RNF40: variants seen among roughly 807,000 people sequenced by gnomAD.
RNF40 encodes the protein E3 ubiquitin-protein ligase BRE1B.
Under a neutral mutation model 123.3 loss-of-function variants are expected in RNF40, and 39 were observed. The ratio of observed to expected loss-of-function variants is 0.32; its 90% CI spans 0.24 to 0.41. RNF40 has a LOEUF of 0.41. Ranked by LOEUF, RNF40 falls within the 10% of genes least tolerant of loss-of-function variation. RNF40 has a pLI of 1.00. For synonymous variants in RNF40, 538 were observed against 526.0 expected (o/e 1.02, Z -0.31); for missense variants, 1,003 against 1,319.9 (o/e 0.76, Z 3.72).
In RNF40 at chr16:30,763,326, C is replaced by T. The variant is rs1336686567; in HGVS notation, c.300+41C>T. On this transcript the variant is annotated intron_variant, in intron 3 of 19. Coordinates refer to ENST00000324685, the MANE Select transcript of RNF40 (RefSeq NM_014771.4). ...TTTCAAAGACCAGGCCTTGATTCAG[C>T]TGCCAATCCCCAGATTCCCCTGCTA... 2.5e-6 allele frequency: 4 copies of T among 1,610,458 alleles called. No homozygotes were observed. The East Asian group carries it at 6.7e-5, about 27-fold the overall frequency.
Position 30,769,290 on chromosome 16 carries a change from T to C in RNF40, c.2352T>C (p.Asp784=), listed in dbSNP as rs779083097. 1.2e-6 allele frequency: 2 copies of C among 1,614,080 alleles called. No individual in the cohort carries two copies. Among genetic ancestry groups the C allele is most frequent in the Admixed American group, 3.3e-5 (2 of 60,008 alleles). ...TACAGCAGTTGCGGGAAAAGGATGA[T>C]GCCAACTTTAAGCTAATGTCAGAGC... ...RLLQQLREKD[D]ANFKLMSERI... The change falls in exon 16 of 20, where the codon GAT becomes GAC. Residue 784 remains aspartate (D), a synonymous_variant. Coordinates refer to ENST00000324685, the MANE Select transcript of RNF40 (RefSeq NM_014771.4).
In RNF40 at chr16:30,768,644, A is replaced by C. The variant is rs1486299059; in HGVS notation, c.2005A>C (p.Met669Leu). Residue 669 changes from methionine (M) to leucine (L), a missense_variant, in exon 14 of 20, where the codon ATG becomes CTG. By Grantham distance (15) the Met-to-Leu change is conservative. This residue lies in a region of RNF40 where 295 missense variants were observed against 331.7 expected (regional missense o/e 0.89). Transcript: ENST00000324685. The surrounding 1 kb of genome is among the most constrained non-coding windows in gnomAD (Gnocchi z 4.1). ...GAAGGCCCAGGAGAGCCAGAAGGAG[A>C]TGAAACTGCTGCTGGATATGTACAA... is the stretch of plus-strand genomic sequence containing the variant. ...LKKAQESQKE[M>L]KLLLDMYKSA... 1 of 1,614,032 alleles carries C rather than the reference A, an allele frequency of 6.2e-7. No individual in the cohort carries two copies. The highest frequency in any genetic ancestry group is 8.5e-7 in the Non-Finnish European group (1 of 1,180,020).
chr16:30,773,888 T>G (rs780223845), intron 19 of RNF40, 50 bp from the exon 20 acceptor site: 1 of 1,566,536 alleles, frequency 6.4e-7, no homozygotes, highest in Non-Finnish European at 8.7e-7. Flanking sequence ...CAGCTTGGGG[T>G]CTGGGCACTG....
In RNF40 at chr16:30,766,699, G is replaced by A. The variant is rs2054038534; in HGVS notation, c.1294-42G>A. On this transcript the variant is annotated intron_variant, in intron 10 of 19. Transcript: ENST00000324685. This position sits in a 1 kb window ranked among gnomAD's most constrained non-coding sequence, Gnocchi z 5.4. ...TCCTAAGATACTGAGTCCTGAGGTGGGACCGAGGGGCTGTGTGGGTCCTTA... is the reference window on the plus strand; with the variant it reads ...TCCTAAGATACTGAGTCCTGAGGTGAGACCGAGGGGCTGTGTGGGTCCTTA... The A allele has an allele frequency of 1.2e-6, 2 of 1,611,912 alleles. No homozygotes were observed. The highest frequency in any genetic ancestry group is 1.7e-6 in the Non-Finnish European group (2 of 1,178,962).
intron 17 of RNF40, among the ~76,000 whole-genome samples, chr16:30,770,557 A>G (rs2054130465): frequency 6.6e-6 from 1 of 152,194 alleles, no homozygotes; most frequent in Non-Finnish European, 1.5e-5. Flanking sequence ...GGTGAACTGT[A>G]AAGTGGGGAT....
Position 30,775,569 on chromosome 16 carries a change from C to A in RNF40, c.*1455C>A. The A allele has an allele frequency of 6.1e-6, 1 of 163,166 alleles. No individual in the cohort carries two copies. Among genetic ancestry groups the A allele is most frequent in the Non-Finnish European group, 1.3e-5 (1 of 74,346 alleles). The allele number at this position is 163,166 out of a possible 1,614,324, so 10.1% of individuals were successfully genotyped here. ...CGGACCGCTTCTCAGCGGCTTCACC[C>A]CCACACCACTCGAATGCACAGATCG... On this transcript the variant is annotated 3_prime_UTR_variant, in exon 20 of 20. Coordinates refer to ENST00000324685, the MANE Select transcript of RNF40 (RefSeq NM_014771.4).
chr16:30,769,400 T>C lies in RNF40; in HGVS notation c.2460+2T>C. 1 of 1,614,124 alleles carries C rather than the reference T, an allele frequency of 6.2e-7. No homozygotes were observed. Reference sequence around the variant, plus strand: ...CAGGTCCTTGGCCTCAAGTCCCAGGTATGGCCGCCGCCAGCTTGCAGACTG... The same window carrying C: ...CAGGTCCTTGGCCTCAAGTCCCAGGCATGGCCGCCGCCAGCTTGCAGACTG... On this transcript the variant is annotated splice_donor_variant, in intron 16 of 19. Transcript: ENST00000324685. LOFTEE classifies it high-confidence loss of function.
At chr16:30,765,773 G>A (rs1469993869) in intron 8 of RNF40, among the ~76,000 whole-genome samples, 2 of 152,220 alleles carry the variant, frequency 1.3e-5, no homozygotes, top group Non-Finnish European at 2.9e-5. Context: ...TCTACTTGTG[G>A]TAACAGACAA....
In RNF40 at chr16:30,774,319, AGCT is replaced by A; in HGVS notation, c.*208_*210del. On this transcript the variant is annotated 3_prime_UTR_variant, in exon 20 of 20. Coordinates refer to ENST00000324685, the MANE Select transcript of RNF40 (RefSeq NM_014771.4). ...CGTTCCATCTTTTCCTAAAGGTCAGAGCTGCAGCCTAGGGGGCACTGCCCTACA... is the reference window on the plus strand; with the variant it reads ...CGTTCCATCTTTTCCTAAAGGTCAGAGCAGCCTAGGGGGCACTGCCCTACA... The A allele has an allele frequency of 1.7e-6, 1 of 572,402 alleles. No individual in the cohort carries two copies. Among genetic ancestry groups the A allele is most frequent in the Non-Finnish European group, 3.0e-6 (1 of 328,736 alleles). The allele number at this position is 572,402 out of a possible 1,614,324, so 35.5% of individuals were successfully genotyped here.
At chr16:30,771,458 A>G (rs1596761551) in intron 17 of RNF40, among the ~76,000 whole-genome samples, 1 of 152,154 alleles carries the variant, frequency 6.6e-6, no homozygotes, top group East Asian at 1.9e-4. Flanking sequence ...TCTACTAAAA[A>G]TACAAAAAAT....
intron 19 of RNF40, 46 bp from the exon 20 acceptor site, chr16:30,773,892 G>A (rs2054190038): frequency 6.3e-7 from 1 of 1,575,182 alleles, no homozygotes; most frequent in Non-Finnish European, 8.7e-7. Context: ...TTGGGGTCTG[G>A]GCACTGTCAG....
At chr16:30,763,037 C>A in intron 2 of RNF40, 81 bp from the exon 3 acceptor site, 1 of 1,509,366 alleles carries the variant, frequency 6.6e-7, no homozygotes, top group Non-Finnish European at 9.1e-7. Flanking sequence ...ATTGCAGATG[C>A]TCTGCTCCTC....
chr16:30,773,808 C>G, intron 19 of RNF40, 130 bp from the exon 20 acceptor site: 1 of 922,746 alleles, frequency 1.1e-6, no homozygotes, highest in South Asian at 1.6e-5. Flanking sequence ...CTCGTCCTTA[C>G]CTCCAGGGTT....
chr16:30,763,380 A>G lies in RNF40; in HGVS notation c.301-38A>G, dbSNP rs750156454. On this transcript the variant is annotated intron_variant, in intron 3 of 19. Transcript: ENST00000324685. ...AAGGAGTATCATGTTGGAAAGCACT[A>G]AGGGATTCATAACATTTTTGATGTT... is the stretch of plus-strand genomic sequence containing the variant. 8 of 1,600,986 alleles carry G rather than the reference A, an allele frequency of 5.0e-6. No homozygotes were observed. The African/African-American group carries it at 9.4e-5, about 19-fold the overall frequency.
intron 17 of RNF40, 82 bp downstream of exon 17, chr16:30,769,682 C>G (rs532155135): frequency 5.6e-6 from 8 of 1,421,590 alleles, no homozygotes; most frequent in Admixed American, 2.8e-5. Flanking sequence ...GCACCCGATG[C>G]AATAGCCTGA....
chr16:30,775,327 A>G lies in RNF40; in HGVS notation c.*1213A>G. 1 of 295,440 alleles carries G rather than the reference A, an allele frequency of 3.4e-6. No homozygotes were observed. Among genetic ancestry groups the G allele is most frequent in the Non-Finnish European group, 6.6e-6 (1 of 150,914 alleles). 18.3% of individuals were successfully genotyped at this position (295,440 alleles called of 1,614,324 possible). A position where few individuals can be genotyped will look rare whatever the true frequency, so the allele number is the denominator to read the frequency against. Reference sequence around the variant, plus strand: ...CGGCAGGGATCCCGGACTGGGCCTGAAGGGGAGAGCGTGGTGGTCGTCGCG... The same window carrying G: ...CGGCAGGGATCCCGGACTGGGCCTGGAGGGGAGAGCGTGGTGGTCGTCGCG... On this transcript the variant is annotated 3_prime_UTR_variant, in exon 20 of 20. Transcript: ENST00000324685.
rs750986376 is a variant in RNF40, at chr16:30,773,981, C to T, written c.2873C>T (p.Ala958Val). The change falls in exon 20 of 20, where the codon GCA (alanine) becomes GTA (valine). Residue 958 changes from alanine to valine, a missense_variant. This residue lies in a region of RNF40 where 76 missense variants were observed against 134.1 expected (regional missense o/e 0.57). Transcript: ENST00000324685. Reference protein sequence around the residue: ...CPCCNTRKKDAVLTKCFHVFC... With the variant: ...CPCCNTRKKDVVLTKCFHVFC... ...TGCTGTAACACCCGCAAGAAGGATG[C>T]AGTCCTTACCAAGTGCTTCCACGTT... 1.2e-6 allele frequency: 2 copies of T among 1,613,998 alleles called. No individual in the cohort carries two copies. The highest frequency in any genetic ancestry group is 1.7e-6 in the Non-Finnish European group (2 of 1,179,854).
At position 30,769,550 on chromosome 16, in the gene RNF40, GAGA is replaced by G; in HGVS notation, c.2539_2541del (p.Lys847del). On this transcript the variant is annotated inframe_deletion, in exon 17 of 20. Coordinates refer to ENST00000324685, the MANE Select transcript of RNF40 (RefSeq NM_014771.4). ...CTTGCAGGGCAGCCTCGGGGGTGTG[GAGA>G]AGGAGCTGACGCTGCGCAGCCAAGC... 1 of 1,611,822 alleles carries G rather than the reference GAGA, an allele frequency of 6.2e-7. No homozygotes were observed. Among genetic ancestry groups the G allele is most frequent in the Non-Finnish European group, 8.5e-7 (1 of 1,178,960 alleles).
In RNF40 at chr16:30,768,408, T is replaced by G. The variant is rs2151331082; in HGVS notation, c.1857T>G (p.Gly619=). The G allele has an allele frequency of 1.2e-6, 2 of 1,613,642 alleles. No individual in the cohort carries two copies. The highest frequency in any genetic ancestry group is 1.7e-6 in the Non-Finnish European group (2 of 1,179,890). The change falls in exon 13 of 20, where the codon GGT becomes GGG. Residue 619 remains glycine (G), a synonymous_variant. Transcript: ENST00000324685. This position sits in a 1 kb window ranked among gnomAD's most constrained non-coding sequence, Gnocchi z 4.1. ...AGCGGGAGCTTCGGGAACGGGAAGG[T>G]CCCAGCCTAGGACCTCCACCTGTAG... is the stretch of plus-strand genomic sequence containing the variant. The part of the protein sequence containing the change: ...RPKRELRERE[G]PSLGPPPVAS...
Sources: gnomAD v4.1 joint callset for allele counts (sites outside exome capture counted in the v4.1 genomes callset) on GRCh38, gnomAD v4.1.1 for gene constraint, gnomAD v4.1.1 regional missense constraint, Gnocchi (gnomAD v3.1) non-coding constraint, MANE v1.5 for transcripts, NCBI Gene and HGNC (gene_info 2026-07-23, HGNC 2026-07-21) for gene names.